Variants in COPS7B observed in about 807,000 individuals in gnomAD.
COPS7B encodes COP9 signalosome subunit 7B.
COPS7B carries 9 observed loss-of-function variants against 33.4 expected under a neutral mutation model. That is an observed-to-expected ratio of 0.27 (90% confidence interval 0.16 to 0.47). The LOEUF is 0.47. Among genes scored for constraint, COPS7B ranks in the 20% least tolerant of loss-of-function variants. COPS7B has a pLI of 0.99. For synonymous variants in COPS7B, 119 were observed against 126.3 expected (o/e 0.94, Z 0.39); for missense variants, 242 against 318.2 (o/e 0.76, Z 1.82).
In COPS7B at chr2:231,796,303, T is replaced by A; in HGVS notation, c.525T>A (p.His175Gln). The A allele has an allele frequency of 6.2e-7, 1 of 1,613,844 alleles. No homozygotes were observed. Among genetic ancestry groups the A allele is most frequent in the African/African-American group, 1.3e-5 (1 of 75,042 alleles). ...TCAATAATATTGTCAAGACCCTGCA[T>A]GAATGGTGAGGCTAAAAGGAGGAGG... ...KDINNIVKTL[H>Q]EWCDGCEAVL... Residue 175 changes from histidine to glutamine, a missense_variant, in exon 5 of 7, where the codon CAT becomes CAA. Transcript: ENST00000350033.
intron 1 of COPS7B, 36 bp from the exon 2 acceptor site, chr2:231,788,519 A>G: frequency 6.3e-7 from 1 of 1,598,940 alleles, no homozygotes; most frequent in Non-Finnish European, 8.5e-7. Context: ...TGCAAAGGAG[A>G]AGGAAGAATG....
intron 4 of COPS7B, among the ~76,000 whole-genome samples, chr2:231,794,826 G>C (rs1372783456): frequency 6.6e-6 from 1 of 152,070 alleles, no homozygotes; most frequent in East Asian, 1.9e-4. Context: ...TGTGATCTCA[G>C]CTCACTGCAA....
chr2:231,799,969 A>G (rs867865281), intron 6 of COPS7B, among the ~76,000 whole-genome samples: 7 of 152,156 alleles, frequency 4.6e-5, no homozygotes, highest in African/African-American at 1.7e-4. Context: ...TAGGTACTCA[A>G]ATGTTGAACT....
intron 5 of COPS7B, among the ~76,000 whole-genome samples, chr2:231,798,178 C>T (rs1050627915): frequency 9.2e-5 from 14 of 151,822 alleles, no homozygotes; most frequent in South Asian, 4.2e-4. Flanking sequence ...TGAGCCACTG[C>T]GCCTGGCCTA....
In COPS7B at chr2:231,807,621, A is replaced by G; in HGVS notation, c.771A>G (p.Lys257=). The G allele has an allele frequency of 6.4e-7, 1 of 1,555,706 alleles. No individual in the cohort carries two copies. Among genetic ancestry groups the G allele is most frequent in the Non-Finnish European group, 8.7e-7 (1 of 1,150,068 alleles). ...RQPTKKMSKV[K]GLVSSRH ...CCACCAAGAAGATGTCCAAAGTGAA[A>G]GGTCTGGTCTCCAGCCGCCACTAGG... is the stretch of plus-strand genomic sequence containing the variant. The change falls in exon 7 of 7, where the codon AAA becomes AAG. Residue 257 remains lysine (K), a synonymous_variant. Transcript: ENST00000350033.
chr2:231,799,073 C>G (rs2049666224), intron 6 of COPS7B, 109 bp downstream of exon 6: 1 of 946,724 alleles, frequency 1.1e-6, no homozygotes, highest in East Asian at 2.6e-5. Context: ...AACAAGCAGT[C>G]ACCAACAAGT....
At chr2:231,786,960 T>G (rs1249662007) in intron 1 of COPS7B, among the ~76,000 whole-genome samples, 1 of 152,214 alleles carries the variant, frequency 6.6e-6, no homozygotes, top group Non-Finnish European at 1.5e-5. Flanking sequence ...CGAGATTTTT[T>G]GAAGGGACAG....
In COPS7B at chr2:231,788,824, C is replaced by T. The variant is rs556296232; in HGVS notation, c.162+92C>T. The T allele has an allele frequency of 1.6e-5, 19 of 1,203,418 alleles. No individual in the cohort carries two copies. In the South Asian group the frequency reaches 2.4e-4, roughly 15 times the overall value. 74.5% of individuals were successfully genotyped at this position (1,203,418 alleles called of 1,614,324 possible). ...ATTTCAGTGCTGAAGTATTGTGAAC[C>T]TGTGAGGTACCCTATTGTGAGACAG... On this transcript the variant is annotated intron_variant, in intron 2 of 6. Coordinates refer to ENST00000350033, the MANE Select transcript of COPS7B (RefSeq NM_022730.4).
chr2:231,785,769 G>T (rs1186335027), upstream of COPS7B, among the ~76,000 whole-genome samples: 5 of 152,160 alleles, frequency 3.3e-5, no homozygotes, highest in African/African-American at 1.2e-4. Flanking sequence ...CAATTATGTG[G>T]CATTTCTTAG....
chr2:231,801,660 G>A (rs1259985118), intron 6 of COPS7B, among the ~76,000 whole-genome samples: 2 of 149,806 alleles, frequency 1.3e-5, no homozygotes, highest in African/African-American at 4.9e-5. Flanking sequence ...GGAGAACTGG[G>A]TTTTGCTGTA....
At chr2:231,788,488 GC>G in intron 1 of COPS7B, 66 bp from the exon 2 acceptor site, 1 of 1,436,346 alleles carries the variant, frequency 7.0e-7, no homozygotes, top group Non-Finnish European at 9.6e-7. Flanking sequence ...GTTTGATTCA[GC>G]ACTGAATAGG....
chr2:231,781,734 C>G, upstream of COPS7B: 6 of 1,130,052 alleles, frequency 5.3e-6, no homozygotes, highest in South Asian at 4.0e-5. Context: ...GCAGTGTGCG[C>G]AAATTCACAA....
chr2:231,808,612 A>T lies in COPS7B; in HGVS notation c.*967A>T, dbSNP rs1192446613. 1 of 450,012 alleles carries T rather than the reference A, an allele frequency of 2.2e-6. No individual in the cohort carries two copies. Among genetic ancestry groups the T allele is most frequent in the Non-Finnish European group, 4.6e-6 (1 of 219,516 alleles). The allele number at this position is 450,012 out of a possible 1,614,324, so 27.9% of individuals were successfully genotyped here. On this transcript the variant is annotated 3_prime_UTR_variant, in exon 7 of 7. Transcript: ENST00000350033. ...CCTCTGATGATGGCATTCTCCTGGC[A>T]AGAGAAAAAGACTTAACTAGACTTC...
At chr2:231,789,028 A>G in intron 2 of COPS7B, 2 of 289,406 alleles carry the variant, frequency 6.9e-6, no homozygotes, top group Non-Finnish European at 1.3e-5. Flanking sequence ...TGGGCTGTTT[A>G]ATAGGAGTAG....
upstream of COPS7B, among the ~76,000 whole-genome samples, chr2:231,784,917 A>AT (rs1424362380): frequency 6.6e-6 from 1 of 152,196 alleles, no homozygotes; most frequent in Non-Finnish European, 1.5e-5. Context: ...GGTTCAAGCG[A>AT]TTCTCATGCC....
At chr2:231,787,127 T>C (rs2049273115) in intron 1 of COPS7B, among the ~76,000 whole-genome samples, 2 of 152,116 alleles carry the variant, frequency 1.3e-5, no homozygotes, top group Admixed American at 6.5e-5. Context: ...TCTTCCCTAC[T>C]CCTTTCCTTC....
Position 231,808,214 on chromosome 2 carries a change from T to G in COPS7B, c.*569T>G. On this transcript the variant is annotated 3_prime_UTR_variant, in exon 7 of 7. Coordinates refer to ENST00000350033, the MANE Select transcript of COPS7B (RefSeq NM_022730.4). Reference sequence around the variant, plus strand: ...GGACGTGATGCTGGGCTGTGTTTACTAAACCCACGGGTTTTCAGCCTCTTA... The same window carrying G: ...GGACGTGATGCTGGGCTGTGTTTACGAAACCCACGGGTTTTCAGCCTCTTA... The G allele has an allele frequency of 3.0e-6, 1 of 335,288 alleles. No homozygotes were observed. The highest frequency in any genetic ancestry group is 6.0e-6 in the Non-Finnish European group (1 of 166,448). The allele number at this position is 335,288 out of a possible 1,614,324, so 20.8% of individuals were successfully genotyped here.
intron 3 of COPS7B, chr2:231,792,022 A>G (rs1391898691): frequency 1.5e-6 from 1 of 681,052 alleles, no homozygotes; most frequent in Admixed American, 2.1e-5. Context: ...GTGTGTGCTC[A>G]TCCACAAATG....
At chr2:231,806,456 G>A (rs1038472256) in intron 6 of COPS7B, among the ~76,000 whole-genome samples, 5 of 151,858 alleles carry the variant, frequency 3.3e-5, no homozygotes, top group African/African-American at 1.2e-4. Context: ...AGGAGGCTGA[G>A]GTGGGAGGAT....
Sources: gnomAD v4.1 joint callset for allele counts (sites outside exome capture counted in the v4.1 genomes callset) on GRCh38, gnomAD v4.1.1 for gene constraint, MANE v1.5 for transcripts, NCBI Gene and HGNC (gene_info 2026-07-23, HGNC 2026-07-21) for gene names.